The following PLEKHG6 variants were observed in gnomAD, a reference collection of about 807,000 sequenced individuals.
PLEKHG6 encodes pleckstrin homology domain-containing family G member 6.
In PLEKHG6, 91 loss-of-function variants were observed where a neutral mutation model predicts 97.5. That is an observed-to-expected ratio of 0.93 (90% CI 0.79 to 1.11). The LOEUF (loss-of-function observed/expected upper bound fraction) is 1.11. PLEKHG6 is among the 50% of genes most tolerant of loss of function. The pLI is 0.00. For synonymous variants in PLEKHG6, 466 were observed against 425.5 expected (o/e 1.10, Z -1.17); for missense variants, 1,044 against 1,031.0 (o/e 1.01, Z -0.17).
chr12:6,315,601 C>T lies in PLEKHG6; in HGVS notation c.507C>T (p.Leu169=). The T allele has an allele frequency of 1.9e-6, 3 of 1,589,420 alleles. No homozygotes were observed. The highest frequency in any genetic ancestry group is 2.2e-5 in the South Asian group (2 of 90,308). ...LCHQQEALWE[L]LTTELIYVRK... ...ACCAACAGGAGGCCCTGTGGGAGCT[C>T]CTGACCACCGAGCTGATCTACGTGA... The change falls in exon 5 of 16, where the codon CTC becomes CTT. Residue 169 remains leucine (L), a synonymous_variant. Transcript: ENST00000684764. The surrounding 1 kb of genome is among the most constrained non-coding windows in gnomAD (Gnocchi z 4.5).
chr12:6,321,565 G>A (rs78691542), intron 13 of PLEKHG6, among the ~76,000 whole-genome samples: 1 of 151,536 alleles, frequency 6.6e-6, no homozygotes, highest in African/African-American at 2.4e-5. Flanking sequence ...GAGGCCGGGC[G>A]CGGTGGCTCA....
chr12:6,312,456 G>A, intron 2 of PLEKHG6, 92 bp downstream of exon 2: 2 of 1,375,338 alleles, frequency 1.5e-6, no homozygotes, highest in South Asian at 1.4e-5. Context: ...AGGTTCAGAG[G>A]TTGAGCTATT....
Position 6,316,863 on chromosome 12 carries a change from T to C in PLEKHG6, c.757-440T>C, listed in dbSNP as rs924059806. On this transcript the variant is annotated intron_variant, in intron 7 of 15. Transcript: ENST00000684764. This position sits in a 1 kb window ranked among gnomAD's most constrained non-coding sequence, Gnocchi z 4.1. ...TGGGCCCTGCAGGAAAAAGTTGCAG[T>C]GGGGTAGAGAGGTAGGCGTACTGCC... 5.9e-5 allele frequency among the ~76,000 whole-genome samples: 9 copies of C among 152,250 alleles called. No individual in the cohort carries two copies. The Middle Eastern group carries it at 0.017, about 288-fold the overall frequency.
In PLEKHG6 at chr12:6,326,749, C is replaced by T. The variant is rs559316356; in HGVS notation, c.1670+176C>T. On this transcript the variant is annotated intron_variant, in intron 14 of 15. Transcript: ENST00000684764. Reference sequence around the variant, plus strand: ...GTTGGGTCGGAAGGTTGGTACCAGCCGTGTTGGGTTGGAGGTGGGGGATAG... The same window carrying T: ...GTTGGGTCGGAAGGTTGGTACCAGCTGTGTTGGGTTGGAGGTGGGGGATAG... Among the ~76,000 whole-genome samples the T allele has an allele frequency of 2.2e-4, 34 of 152,122 alleles. No individual in the cohort carries two copies. The South Asian group carries it at 5.6e-3, about 25-fold the overall frequency.
Position 6,315,853 on chromosome 12 carries a change from G to A in PLEKHG6, c.556-16G>A, listed in dbSNP as rs1221200342. The stretch of plus-strand genomic sequence containing the variant: ...GGCTGCGCTGGGTCCTGAGACCCTC[G>A]TCTCCCTCCCTGCAGCTGCTAGCCG... On this transcript the variant is annotated splice_polypyrimidine_tract_variant and intron_variant, in intron 5 of 15. Coordinates refer to ENST00000684764, the MANE Select transcript of PLEKHG6 (RefSeq NM_001384598.1). The surrounding 1 kb of genome is among the most constrained non-coding windows in gnomAD (Gnocchi z 4.5). 19 of 1,553,868 alleles carry A rather than the reference G, an allele frequency of 1.2e-5. No individual in the cohort carries two copies. Among genetic ancestry groups the A allele is most frequent in the Admixed American group, 7.8e-5 (4 of 51,362 alleles).
In PLEKHG6 at chr12:6,328,039, C is replaced by T. The variant is rs970711414; in HGVS notation, c.2363+93C>T. 8.8e-6 allele frequency: 14 copies of T among 1,583,102 alleles called. No homozygotes were observed. The East Asian group carries it at 2.7e-4, about 30-fold the overall frequency. On this transcript the variant is annotated intron_variant, in intron 15 of 15. Coordinates refer to ENST00000684764, the MANE Select transcript of PLEKHG6 (RefSeq NM_001384598.1). Reference sequence around the variant, plus strand: ...GTATAGAAAGAGGGCAAAGCAGGAACAGGGGCTGAGGCAGGAAGGGCTCTC... The same window carrying T: ...GTATAGAAAGAGGGCAAAGCAGGAATAGGGGCTGAGGCAGGAAGGGCTCTC...
chr12:6,327,582 T>C lies in PLEKHG6; in HGVS notation c.1999T>C (p.Trp667Arg). The change falls in exon 15 of 16, where the codon TGG (tryptophan) becomes CGG (arginine). Residue 667 changes from tryptophan to arginine, a missense_variant. Transcript: ENST00000684764. ...GSLPQEDPPT[W>R]SEEEDGASER... The stretch of plus-strand genomic sequence containing the variant: ...TCTTCCCCAGGAAGACCCACCAACC[T>C]GGTCTGAGGAAGAAGATGGGGCCTC... The C allele has an allele frequency of 6.3e-7, 1 of 1,582,448 alleles. No individual in the cohort carries two copies.
rs763607363 is a variant in PLEKHG6 at position 6,327,377 on chromosome 12, C to A, written c.1794C>A (p.Pro598=). The change falls in exon 15 of 16, where the codon CCC becomes CCA. Residue 598 remains proline, a synonymous_variant. Transcript: ENST00000684764. ...ACGGCACTTTGATCCCAGGCACCCC[C>A]ACGGGGTCCCGCTCCCCACTGAGCC... is the stretch of plus-strand genomic sequence containing the variant. ...SGYGTLIPGT[P]TGSRSPLSRL... 2 of 1,613,952 alleles carry A rather than the reference C, an allele frequency of 1.2e-6. No homozygotes were observed. The highest frequency in any genetic ancestry group is 3.3e-5 in the Admixed American group (2 of 59,998).
chr12:6,328,080 C>T, intron 15 of PLEKHG6, 56 bp from the exon 16 acceptor site: 1 of 1,611,706 alleles, frequency 6.2e-7, no homozygotes, highest in Non-Finnish European at 8.5e-7. Flanking sequence ...CACTCTTCAC[C>T]TGACCCTCAC....
In PLEKHG6 at chr12:6,327,774, C is replaced by T. The variant is rs146608432; in HGVS notation, c.2191C>T (p.Arg731Cys). 263 of 1,532,116 alleles carry T rather than the reference C, an allele frequency of 1.7e-4. 6 individuals carry two copies. In the African/African-American group the frequency reaches 2.0e-3, roughly 12 times the overall value. 94.9% of individuals were successfully genotyped at this position (1,532,116 alleles called of 1,614,324 possible). A position where few individuals can be genotyped will look rare whatever the true frequency, so the allele number is the denominator to read the frequency against. The change falls in exon 15 of 16, where the codon CGC (arginine) becomes TGC (cysteine). Residue 731 changes from arginine (R) to cysteine (C), a missense_variant. By Grantham distance (180) the Arg-to-Cys change is radical. Transcript: ENST00000684764. ...LFLKAGHTSL[R>C]PMRAEDMLRE... ...CCTGAAAGCTGGCCACACATCCCTG[C>T]GCCCAATGCGGGCTGAGGACATGCT...
chr12:6,320,010 G>A (rs1029705834), intron 13 of PLEKHG6, among the ~76,000 whole-genome samples: 16 of 152,208 alleles, frequency 1.1e-4, no homozygotes, highest in East Asian at 5.8e-4. Context: ...TGGAAGGGAA[G>A]GGCATTCCAC....
At chr12:6,312,516 C>G (rs1947309156) in intron 2 of PLEKHG6, 152 bp downstream of exon 2, 1 of 1,098,974 alleles carries the variant, frequency 9.1e-7, no homozygotes, top group South Asian at 1.9e-5. Context: ...AAGAGGAGGG[C>G]AGTGACAGGG....
At chr12:6,321,428 T>A (rs938647995) in intron 13 of PLEKHG6, among the ~76,000 whole-genome samples, 1 of 151,960 alleles carries the variant, frequency 6.6e-6, no homozygotes, top group African/African-American at 2.4e-5. Flanking sequence ...AGGGAGAAAT[T>A]GGTGACAGGA....
At chr12:6,319,232 G>A in intron 13 of PLEKHG6, 124 bp downstream of exon 13, 1 of 669,704 alleles carries the variant, frequency 1.5e-6, no homozygotes, top group Non-Finnish European at 2.5e-6. Flanking sequence ...TGGATCACCT[G>A]AGGTCAGGAG....
chr12:6,322,910 C>T (rs1419867378), intron 13 of PLEKHG6, among the ~76,000 whole-genome samples: 2 of 150,756 alleles, frequency 1.3e-5, no homozygotes. Context: ...AAAACATTTT[C>T]CTGAAGGCTA....
rs147609266 is a variant in PLEKHG6, at chr12:6,318,332, C to T, written c.1187C>T (p.Thr396Met). The change falls in exon 11 of 16, where the codon ACG (threonine) becomes ATG (methionine). Residue 396 changes from threonine (T) to methionine (M), a missense_variant. Transcript: ENST00000684764. ...NLRPFSTLDL[T>M]SPMLGVASEH... Reference sequence around the variant, plus strand: ...CGCCCATTCTCCACCCTGGACCTGACGTCCCCCATGCTGGGGGTTGCATCT... The same window carrying T: ...CGCCCATTCTCCACCCTGGACCTGATGTCCCCCATGCTGGGGGTTGCATCT... 68 of 1,613,956 alleles carry T rather than the reference C, an allele frequency of 4.2e-5. No homozygotes were observed. The highest frequency in any genetic ancestry group is 1.6e-4 in the South Asian group (15 of 91,090).
At chr12:6,320,624 G>A (rs1467067798) in intron 13 of PLEKHG6, among the ~76,000 whole-genome samples, 1 of 152,072 alleles carries the variant, frequency 6.6e-6, no homozygotes, top group African/African-American at 2.4e-5. Flanking sequence ...CTAAATCCAG[G>A]GAGAACTCAT....
Position 6,327,258 on chromosome 12 carries a change from C to A in PLEKHG6, c.1675C>A (p.Pro559Thr). 6.3e-7 allele frequency: 1 copy of A among 1,586,200 alleles called. No individual in the cohort carries two copies. Among genetic ancestry groups the A allele is most frequent in the Non-Finnish European group, 8.6e-7 (1 of 1,162,700 alleles). ...ACTCTTTGCCATTAACTGTAGGACT[C>A]CTGAGTTCTCGACCATTATCCCCCA... ...GSQSSAEGRT[P>T]EFSTIIPHLV... Residue 559 changes from proline (P) to threonine (T), a missense_variant, in exon 15 of 16, where the codon CCT becomes ACT. Transcript: ENST00000684764.
At chr12:6,324,579 A>C (rs1484367118) in intron 13 of PLEKHG6, among the ~76,000 whole-genome samples, 2 of 152,018 alleles carry the variant, frequency 1.3e-5, no homozygotes, top group African/African-American at 4.8e-5. Context: ...GGAAAGAGGG[A>C]GTCCTGCCCC....
Sources: allele counts gnomAD v4.1 joint callset (sites outside exome capture counted in the v4.1 genomes callset), GRCh38; gene constraint gnomAD v4.1.1; non-coding constraint Gnocchi (gnomAD v3.1); transcripts MANE v1.5; gene names NCBI Gene and HGNC (gene_info 2026-07-23, HGNC 2026-07-21).